TSHR: variants seen among roughly 807,000 people sequenced by gnomAD.
TSHR encodes thyroid stimulating hormone receptor, also known as thyrotropin receptor.
Under a neutral mutation model 64.1 loss-of-function variants are expected in TSHR, and 51 were observed. The observed-to-expected ratio is 0.80, with a 90% confidence interval of 0.64 to 1.01. The LOEUF (loss-of-function observed/expected upper bound fraction) is 1.01. Ranked by LOEUF, TSHR falls within the 50% of genes least tolerant of loss-of-function variation. TSHR has a pLI of 0.00. For synonymous variants in TSHR, 361 were observed against 361.9 expected (o/e 1.00, Z 0.03); for missense variants, 877 against 942.8 (o/e 0.93, Z 0.91).
intron 1 of TSHR, among the ~76,000 whole-genome samples, chr14:80,963,255 C>G (rs527533137): frequency 1.4e-4 from 21 of 152,162 alleles, no homozygotes; most frequent in African/African-American, 5.1e-4. Context: ...TAAATTTTCC[C>G]AAGCTAAAAA....
At chr14:80,962,518 C>T (rs942619315) in intron 1 of TSHR, among the ~76,000 whole-genome samples, 3 of 152,196 alleles carry the variant, frequency 2.0e-5, no homozygotes, top group Non-Finnish European at 4.4e-5. Flanking sequence ...GGCTCACCCT[C>T]ATTCACTATG....
intron 9 of TSHR, among the ~76,000 whole-genome samples, chr14:81,141,055 G>A (rs562651327): frequency 8.3e-4 from 127 of 152,366 alleles, no homozygotes; most frequent in African/African-American, 3.0e-3. Flanking sequence ...GAACCCGGTA[G>A]GCGGAGGTTG....
At chr14:81,022,359 G>A (rs1594963251) in intron 1 of TSHR, among the ~76,000 whole-genome samples, 2 of 152,206 alleles carry the variant, frequency 1.3e-5, no homozygotes, top group Admixed American at 6.5e-5. Flanking sequence ...GTGTGCCACA[G>A]TGTTTCCAGA....
chr14:81,008,920 T>C (rs1889750773), intron 1 of TSHR, among the ~76,000 whole-genome samples: 1 of 152,214 alleles, frequency 6.6e-6, no homozygotes. Flanking sequence ...AATTGTATTT[T>C]ACCCATAAAC....
chr14:81,121,052 C>A (rs528628043), intron 8 of TSHR, among the ~76,000 whole-genome samples: 2 of 151,814 alleles, frequency 1.3e-5, no homozygotes, highest in Non-Finnish European at 2.9e-5. Flanking sequence ...GCCACGAGGT[C>A]CACAACCCAA....
chr14:81,031,630 A>T (rs1032519850), intron 1 of TSHR, among the ~76,000 whole-genome samples: 2 of 152,176 alleles, frequency 1.3e-5, no homozygotes, highest in African/African-American at 4.8e-5. Flanking sequence ...TAGCTTAGCA[A>T]CCTGCGCCCA....
chr14:80,965,865 G>A (rs894729828), intron 1 of TSHR, among the ~76,000 whole-genome samples: 2 of 152,128 alleles, frequency 1.3e-5, no homozygotes, highest in African/African-American at 4.8e-5. Flanking sequence ...CTTATATGTG[G>A]TGACAGGTAT....
chr14:80,965,138 C>A (rs1375853575), intron 1 of TSHR, among the ~76,000 whole-genome samples: 2 of 152,182 alleles, frequency 1.3e-5, no homozygotes, highest in African/African-American at 4.8e-5. Context: ...GATTGGTCGG[C>A]TGCTTAATTG....
chr14:81,065,405 A>G (rs1886539296), intron 2 of TSHR, among the ~76,000 whole-genome samples: 1 of 152,186 alleles, frequency 6.6e-6, no homozygotes, highest in Admixed American at 6.5e-5. Flanking sequence ...CAAATTATTA[A>G]AGGATATCTA....
chr14:80,969,146 C>A lies in TSHR; in HGVS notation c.170+13296C>A, dbSNP rs554462848. 3.3e-5 allele frequency among the ~76,000 whole-genome samples: 5 copies of A among 152,292 alleles called. No individual in the cohort carries two copies. In the East Asian group the frequency reaches 7.7e-4, roughly 24 times the overall value. ...GCTCATATCCTTTCTTAGATCAGATCCCCAATCCTGCAGGGCTTTGTCCCC... is the reference window on the plus strand; with the variant it reads ...GCTCATATCCTTTCTTAGATCAGATACCCAATCCTGCAGGGCTTTGTCCCC... On this transcript the variant is annotated intron_variant, in intron 1 of 9. Coordinates refer to ENST00000298171, the MANE Select transcript of TSHR (RefSeq NM_000369.5).
Position 81,144,029 on chromosome 14 carries a change from C to T in TSHR, c.1971C>T (p.Ser657=), listed in dbSNP as rs143773384. Residue 657 remains serine, a synonymous_variant, in exon 10 of 10, where the codon AGC becomes AGT. Transcript: ENST00000298171. ...TGAACAAGCCTCTCATCACTGTTAG[C>T]AACTCCAAAATCTTGCTGGTACTCT... ...AILNKPLITV[S]NSKILLVLFY... 1,055 of 1,614,186 alleles carry T rather than the reference C, an allele frequency of 6.5e-4. 8 individuals are homozygous for T. Among genetic ancestry groups the T allele is most frequent in the Non-Finnish European group, 8.4e-5 (99 of 1,180,030 alleles).
intron 3 of TSHR, among the ~76,000 whole-genome samples, chr14:81,077,025 T>TTC (rs139298481): frequency 7.5e-4 from 114 of 151,082 alleles, no homozygotes; most frequent in African/African-American, 2.4e-3. Context: ...AGACATTTAT[T>TTC]TCTCTCTCTC....
chr14:81,040,469 C>G (rs896912788), intron 1 of TSHR, among the ~76,000 whole-genome samples: 3 of 151,884 alleles, frequency 2.0e-5, no homozygotes, highest in African/African-American at 7.2e-5. Context: ...AATGGGATTA[C>G]ATCAAACTAA....
chr14:81,113,098 CT>C (rs1376352201), intron 8 of TSHR, among the ~76,000 whole-genome samples: 2 of 152,096 alleles, frequency 1.3e-5, no homozygotes, highest in Admixed American at 6.6e-5. Flanking sequence ...TGAAAATAAA[CT>C]GTAGGGAACC....
At chr14:81,134,478 C>CT (rs1477054930) in intron 8 of TSHR, among the ~76,000 whole-genome samples, 1 of 130,494 alleles carries the variant, frequency 7.7e-6, no homozygotes, top group Non-Finnish European at 1.6e-5. Context: ...AGAAAGTGCT[C>CT]TTAAAAAATC....
intron 3 of TSHR, among the ~76,000 whole-genome samples, chr14:81,072,546 C>G (rs1282998223): frequency 6.6e-6 from 1 of 151,614 alleles, no homozygotes; most frequent in African/African-American, 2.4e-5. Context: ...TACAAAAAAG[C>G]GAGAAATTGG....
At chr14:81,141,056 G>A (rs367672158) in intron 9 of TSHR, among the ~76,000 whole-genome samples, 7 of 152,344 alleles carry the variant, frequency 4.6e-5, no homozygotes, top group Admixed American at 1.3e-4. Flanking sequence ...AACCCGGTAG[G>A]CGGAGGTTGC....
intron 1 of TSHR, among the ~76,000 whole-genome samples, chr14:80,968,377 A>G (rs938332022): frequency 2.7e-5 from 4 of 148,654 alleles, no homozygotes. Context: ...AGATGTCCTT[A>G]CTTTTTTTTT....
intron 3 of TSHR, among the ~76,000 whole-genome samples, chr14:81,085,781 T>C (rs1341665523): frequency 6.6e-6 from 1 of 152,176 alleles, no homozygotes; most frequent in Non-Finnish European, 1.5e-5. Context: ...TACATCTGTT[T>C]GTCTCTGGCA....
Sources: allele counts gnomAD v4.1 joint callset (sites outside exome capture counted in the v4.1 genomes callset), GRCh38; gene constraint gnomAD v4.1.1; transcripts MANE v1.5; gene names NCBI Gene and HGNC (gene_info 2026-07-23, HGNC 2026-07-21).